Variants in METTL15 observed in about 807,000 individuals in gnomAD.
METTL15 encodes 12S rRNA N(4)-cytidine methyltransferase METTL15.
In METTL15, 34 loss-of-function variants were observed where a neutral mutation model predicts 38.3. That is an observed-to-expected ratio of 0.89 (90% CI 0.68 to 1.18). The LOEUF is 1.18. Ranked by LOEUF, METTL15 falls within the 50% of genes most tolerant of loss-of-function variation. The pLI is 0.00. For synonymous variants in METTL15, 162 were observed against 170.9 expected, an observed-to-expected ratio of 0.95 and a Z score of 0.41; for missense variants, 438 against 498.4, an observed-to-expected ratio of 0.88 and a Z score of 1.15.
intron 5 of METTL15, among the ~76,000 whole-genome samples, chr11:28,394,505 G>A (rs886088277): frequency 1.3e-5 from 2 of 152,002 alleles, no homozygotes; most frequent in African/African-American, 4.8e-5. Flanking sequence ...GTTATAAAAA[G>A]GAGTGTGGTC....
chr11:28,502,545 T>C (rs1315948620), intron 6 of METTL15, among the ~76,000 whole-genome samples: 1 of 152,068 alleles, frequency 6.6e-6, no homozygotes. Context: ...TCTCCTACTA[T>C]CCAAAAGGGT....
intron 5 of METTL15, among the ~76,000 whole-genome samples, chr11:28,406,655 TC>T (rs1269719535): frequency 6.6e-6 from 1 of 152,172 alleles, no homozygotes; most frequent in Non-Finnish European, 1.5e-5. Flanking sequence ...CTTCATCTCT[TC>T]CTGTTCGAAT....
intron 5 of METTL15, among the ~76,000 whole-genome samples, chr11:28,384,214 T>A (rs1564914706): frequency 6.6e-6 from 1 of 152,170 alleles, no homozygotes; most frequent in Non-Finnish European, 1.5e-5. Context: ...CCACCATTAA[T>A]GGGCATTTTG....
intron 3 of METTL15, among the ~76,000 whole-genome samples, chr11:28,210,108 T>C (rs1042998024): frequency 6.6e-6 from 1 of 151,978 alleles, no homozygotes; most frequent in Non-Finnish European, 1.5e-5. Flanking sequence ...GGTTGCTTGC[T>C]CAACTGTGAC....
At chr11:28,261,306 T>C (rs1261491278) in intron 4 of METTL15, 1 of 152,210 alleles carries the variant, frequency 6.6e-6, no homozygotes, top group Non-Finnish European at 1.5e-5. Context: ...GAGATTTTAG[T>C]GGGGAAGCAC....
intron 4 of METTL15, among the ~76,000 whole-genome samples, chr11:28,285,177 A>G (rs967204749): frequency 5.9e-5 from 9 of 152,126 alleles, no homozygotes; most frequent in African/African-American, 1.9e-4. Context: ...CTGTGAGTCA[A>G]CTAAATCTCT....
chr11:28,307,406 G>A (rs1857120206), intron 6 of METTL15, among the ~76,000 whole-genome samples: 1 of 151,994 alleles, frequency 6.6e-6, no homozygotes, highest in South Asian at 2.1e-4. Flanking sequence ...ATAAATGAAT[G>A]GCCATTTTGT....
chr11:28,513,342 C>T (rs1288713673), intron 6 of METTL15, among the ~76,000 whole-genome samples: 1 of 152,154 alleles, frequency 6.6e-6, no homozygotes, highest in Non-Finnish European at 1.5e-5. Flanking sequence ...CTTTGCTGTA[C>T]CACTTACCGG....
intron 5 of METTL15, among the ~76,000 whole-genome samples, chr11:28,292,957 C>T (rs930216931): frequency 6.6e-6 from 1 of 151,916 alleles, no homozygotes; most frequent in African/African-American, 2.4e-5. Context: ...GGATATTAGC[C>T]CTTTGTCAGA....
At chr11:28,118,429 TAG>T (rs1357583762) in intron 3 of METTL15, among the ~76,000 whole-genome samples, 1 of 152,208 alleles carries the variant, frequency 6.6e-6, no homozygotes, top group Non-Finnish European at 1.5e-5. Flanking sequence ...TCTCCCTGCT[TAG>T]TTTGCATCAT....
At chr11:28,351,492 C>A (rs1244089351) in intron 3 of METTL15, among the ~76,000 whole-genome samples, 2 of 152,150 alleles carry the variant, frequency 1.3e-5, no homozygotes, top group Non-Finnish European at 2.9e-5. Flanking sequence ...CATTTTAGCT[C>A]CCTGCCCCAC....
chr11:28,446,669 T>C (rs1851077805), intron 6 of METTL15, among the ~76,000 whole-genome samples: 1 of 152,162 alleles, frequency 6.6e-6, no homozygotes, highest in Non-Finnish European at 1.5e-5. Context: ...TGGATTTATG[T>C]TCCATAGACC....
chr11:28,313,030 C>T (rs1164480634), intron 6 of METTL15, among the ~76,000 whole-genome samples: 2 of 150,382 alleles, frequency 1.3e-5, no homozygotes, highest in African/African-American at 2.5e-5. Flanking sequence ...GAGTTCATGT[C>T]TCTGTTTTCT....
intron 4 of METTL15, among the ~76,000 whole-genome samples, chr11:28,264,981 T>C (rs1855354132): frequency 6.6e-6 from 1 of 152,124 alleles, no homozygotes; most frequent in Non-Finnish European, 1.5e-5. Context: ...ATATCAATAA[T>C]AGCTATAATT....
intron 4 of METTL15, among the ~76,000 whole-genome samples, chr11:28,223,854 T>C (rs1853358486): frequency 6.6e-6 from 1 of 152,116 alleles, no homozygotes; most frequent in Non-Finnish European, 1.5e-5. Context: ...AATGAGGTGT[T>C]GGTTGACTTT....
At chr11:28,355,912 C>T (rs935311964) in intron 4 of METTL15, among the ~76,000 whole-genome samples, 2 of 152,100 alleles carry the variant, frequency 1.3e-5, no homozygotes, top group Admixed American at 6.5e-5. Flanking sequence ...TTATCTTATA[C>T]TATCTTTTTC....
chr11:28,362,013 G>A (rs1434135864), exon 5 of METTL15: 1 of 152,122 alleles, frequency 6.6e-6, no homozygotes, highest in African/African-American at 2.4e-5. Context: ...AAACAACGTG[G>A]ATGGCCTTCA....
intron 4 of METTL15, among the ~76,000 whole-genome samples, chr11:28,232,818 A>G (rs1485451127): frequency 6.6e-6 from 1 of 151,946 alleles, no homozygotes; most frequent in Non-Finnish European, 1.5e-5. Context: ...TTCTCCTGGA[A>G]TCTCAACAGC....
intron 4 of METTL15, among the ~76,000 whole-genome samples, chr11:28,227,803 T>A (rs866181338): frequency 2.6e-5 from 4 of 151,962 alleles, no homozygotes; most frequent in Non-Finnish European, 4.4e-5. Context: ...AAGGATTCAG[T>A]GAGATCAATT....
Sources: allele counts gnomAD v4.1 joint callset (sites outside exome capture counted in the v4.1 genomes callset), GRCh38; gene constraint gnomAD v4.1.1; transcripts MANE v1.5; gene names NCBI Gene and HGNC (gene_info 2026-07-23, HGNC 2026-07-21).